Variants in LDLRAD4 observed in about 807,000 individuals in gnomAD.
LDLRAD4 encodes low-density lipoprotein receptor class A domain-containing protein 4.
Under a neutral mutation model 17.0 loss-of-function variants are expected in LDLRAD4, and 5 were observed. The ratio of observed to expected loss-of-function variants is 0.29; its 90% confidence interval spans 0.15 to 0.62. The LOEUF is 0.62. Among genes scored for constraint, LDLRAD4 ranks in the 20% least tolerant of loss-of-function variants. The pLI is 0.84. For missense variants in LDLRAD4, 340 were observed against 424.7 expected (o/e 0.80, Z 1.75); for synonymous variants, 168 against 171.8 (o/e 0.98, Z 0.17).
At chr18:13,339,230 A>G (rs2082251950) in intron 1 of LDLRAD4, among the ~76,000 whole-genome samples, 1 of 147,140 alleles carries the variant, frequency 6.8e-6, no homozygotes, top group Admixed American at 6.8e-5. Context: ...TTTTTTTTTA[A>G]GACTGAGTCT....
chr18:13,577,736 T>C (rs1220152478), intron 3 of LDLRAD4, among the ~76,000 whole-genome samples: 1 of 152,184 alleles, frequency 6.6e-6, no homozygotes, highest in African/African-American at 2.4e-5. Context: ...CGGTTGCAAA[T>C]TGATTTGCTG....
At chr18:13,470,161 C>G (rs2092728774) in intron 3 of LDLRAD4, among the ~76,000 whole-genome samples, 2 of 152,064 alleles carry the variant, frequency 1.3e-5, no homozygotes, top group South Asian at 4.1e-4. Context: ...TCAGTAAGCC[C>G]TTGACATCCA....
At chr18:13,504,821 G>A (rs986677449) in intron 3 of LDLRAD4, among the ~76,000 whole-genome samples, 15 of 152,192 alleles carry the variant, frequency 9.9e-5, no homozygotes, top group African/African-American at 2.2e-4. Flanking sequence ...ACCCTGTGCC[G>A]CCATTCCCAC....
At position 13,580,120 on chromosome 18, in the gene LDLRAD4, C is replaced by T. The variant is rs978026038; in HGVS notation, c.182-40997C>T. Among the ~76,000 whole-genome samples, 4 of 152,346 alleles carry T rather than the reference C, an allele frequency of 2.6e-5. No individual in the cohort carries two copies. The East Asian group carries it at 5.8e-4, about 22-fold the overall frequency. On this transcript the variant is annotated intron_variant, in intron 3 of 5. Coordinates refer to ENST00000359446, the Ensembl canonical transcript of LDLRAD4. ...CTTCTCCTCAGGATGACTTTCAGGG[C>T]TCCAGGCTGCTCTTCTTGCTCCCAC...
Position 13,224,386 on chromosome 18 carries a change from G to T in LDLRAD4, c.-467+5398G>T, listed in dbSNP as rs147510911. On this transcript the variant is annotated intron_variant, in intron 1 of 5. Coordinates refer to the LDLRAD4 transcript ENST00000399848. The stretch of plus-strand genomic sequence containing the variant: ...TAACTGCCTGGGTCTGGGGGTGTGT[G>T]CTGGGAATGCCCCCACCAGCTGTCT... 1.1e-4 allele frequency among the ~76,000 whole-genome samples: 16 copies of T among 152,134 alleles called. No individual in the cohort carries two copies. In the East Asian group the frequency reaches 3.1e-3, roughly 29 times the overall value.
chr18:13,327,410 G>A (rs1328060667), intron 1 of LDLRAD4, among the ~76,000 whole-genome samples: 1 of 152,068 alleles, frequency 6.6e-6, no homozygotes, highest in East Asian at 1.9e-4. Context: ...CACGTGGAAA[G>A]GTGAAAAGTT....
rs75619941 is a variant in LDLRAD4 at position 13,296,589 on chromosome 18, T to C, written c.-383+18401T>C. 1.4e-4 allele frequency among the ~76,000 whole-genome samples: 20 copies of C among 143,936 alleles called. No homozygotes were observed. In the East Asian group the frequency reaches 3.7e-3, roughly 26 times the overall value. 94.4% of individuals were successfully genotyped at this position (143,936 alleles called of 152,430 possible). A position where few individuals can be genotyped will look rare whatever the true frequency, so the allele number is the denominator to read the frequency against. On this transcript the variant is annotated intron_variant, in intron 1 of 5. Coordinates refer to ENST00000359446, the Ensembl canonical transcript of LDLRAD4. ...GACTTCTCTTAACCTTTTTTTTTTTTTTTTAAAGAACTCTTAGGCTCAAGC... is the reference window on the plus strand; with the variant it reads ...GACTTCTCTTAACCTTTTTTTTTTTCTTTTAAAGAACTCTTAGGCTCAAGC...
chr18:13,551,789 A>G (rs980644812), intron 3 of LDLRAD4, among the ~76,000 whole-genome samples: 3 of 152,192 alleles, frequency 2.0e-5, no homozygotes, highest in Non-Finnish European at 4.4e-5. Flanking sequence ...TTGCACTGCT[A>G]CAAAGGAATA....
chr18:13,612,315 T>C, intron 3 of LDLRAD4: 1 of 1,054,192 alleles, frequency 9.5e-7, no homozygotes, highest in Non-Finnish European at 1.1e-6. Flanking sequence ...GACGTTGCTG[T>C]AAACAGTAGT....
intron 4 of LDLRAD4, among the ~76,000 whole-genome samples, chr18:13,641,308 G>T (rs1022388576): frequency 6.6e-6 from 1 of 152,196 alleles, no homozygotes; most frequent in South Asian, 2.1e-4. Flanking sequence ...TAAATAGAGA[G>T]AGAGAGAGAT....
chr18:13,274,385 G>T (rs2146174874), upstream of LDLRAD4, among the ~76,000 whole-genome samples: 1 of 152,370 alleles, frequency 6.6e-6, no homozygotes, highest in Admixed American at 6.5e-5. Context: ...CTACACAGGG[G>T]ATGCTAAGCA....
chr18:13,651,262 G>A (rs527778693), exon 6 of LDLRAD4: 41 of 152,366 alleles, frequency 2.7e-4, no homozygotes, highest in African/African-American at 9.6e-4. Flanking sequence ...GTGACCGTCT[G>A]TGTCCAAGTC....
At chr18:13,562,181 G>T (rs2094548584) in intron 3 of LDLRAD4, among the ~76,000 whole-genome samples, 2 of 152,188 alleles carry the variant, frequency 1.3e-5, no homozygotes, top group South Asian at 2.1e-4. Flanking sequence ...TCTGTGAAAG[G>T]TGATCATCAC....
intron 3 of LDLRAD4, among the ~76,000 whole-genome samples, chr18:13,439,443 C>A (rs1600276262): frequency 6.6e-6 from 1 of 152,190 alleles, no homozygotes; most frequent in Non-Finnish European, 1.5e-5. Context: ...AATAGTTTTT[C>A]TCAAGTTTTT....
At chr18:13,471,262 T>A (rs2092764710) in intron 3 of LDLRAD4, 1 of 152,208 alleles carries the variant, frequency 6.6e-6, no homozygotes, top group African/African-American at 2.4e-5. Flanking sequence ...TGGCTGAGGC[T>A]GTGTGTAGAT....
chr18:13,417,127 G>A (rs1228586602), intron 2 of LDLRAD4, among the ~76,000 whole-genome samples: 1 of 152,222 alleles, frequency 6.6e-6, no homozygotes, highest in Non-Finnish European at 1.5e-5. Context: ...CATTAGAAAA[G>A]TGAAGGCAGA....
chr18:13,584,097 T>C (rs1037473511), intron 3 of LDLRAD4, among the ~76,000 whole-genome samples: 4 of 152,164 alleles, frequency 2.6e-5, no homozygotes, highest in Non-Finnish European at 4.4e-5. Flanking sequence ...CACCCTTCAG[T>C]GCTCTGGGGC....
intron 1 of LDLRAD4, among the ~76,000 whole-genome samples, chr18:13,335,485 T>C (rs2143866912): frequency 6.6e-6 from 1 of 152,346 alleles, no homozygotes; most frequent in South Asian, 2.1e-4. Context: ...ACTACAATTT[T>C]TGCTGGTTGT....
chr18:13,387,869 G>A, intron 2 of LDLRAD4, 107 bp downstream of exon 3: 1 of 941,582 alleles, frequency 1.1e-6, no homozygotes, highest in Non-Finnish European at 1.7e-6. Context: ...GGAGCTGAAG[G>A]CCAACGCAGT....
Sources: gnomAD v4.1 joint callset for allele counts (sites outside exome capture counted in the v4.1 genomes callset) on GRCh38, gnomAD v4.1.1 for gene constraint, MANE v1.5 for transcripts, NCBI Gene and HGNC (gene_info 2026-07-23, HGNC 2026-07-21) for gene names.